The following COL4A5 variants were observed in gnomAD, a reference collection of about 807,000 sequenced individuals.
The protein encoded by COL4A5 is collagen alpha-5(IV) chain.
In COL4A5, 26 loss-of-function variants were observed where a neutral mutation model predicts 130.2. The observed-to-expected ratio is 0.20, with a 90% CI of 0.15 to 0.28. The LOEUF (loss-of-function observed/expected upper bound fraction) is 0.28. COL4A5 is among the 10% of genes least tolerant of loss of function. The probability of loss-of-function intolerance (pLI) is 1.00; values close to 1 mark genes in which losing one functional copy is unlikely to be tolerated. For missense variants in COL4A5, 1,131 were observed against 1,344.3 expected (o/e 0.84, Z 2.48); for synonymous variants, 496 against 439.6 (o/e 1.13, Z -1.60).
At chrX:108,457,814 A>C (rs1313974461) in intron 1 of COL4A5, among the ~76,000 whole-genome samples, 2 of 112,096 alleles carry the variant, frequency 1.8e-5, no homozygotes, top group Non-Finnish European at 3.8e-5. Flanking sequence ...AATGTCTTAT[A>C]GATTGACTCA....
At chrX:108,689,955 AAC>A (rs1420776492) in intron 49 of COL4A5, 7 of 752,372 alleles carry the variant, frequency 9.3e-6, no homozygotes, top group Admixed American at 8.7e-5. Flanking sequence ...CCACAGGTGC[AAC>A]CAGATACTCC....
At chrX:108,494,827 TG>T (rs1402591632) in intron 1 of COL4A5, among the ~76,000 whole-genome samples, 1 of 111,795 alleles carries the variant, frequency 8.9e-6, no homozygotes, top group Non-Finnish European at 1.9e-5. Flanking sequence ...CCCATGATTT[TG>T]TGTCTTTGGG....
intron 1 of COL4A5, among the ~76,000 whole-genome samples, chrX:108,487,858 TA>T (rs1265453261): frequency 8.9e-6 from 1 of 112,400 alleles, no homozygotes; most frequent in Admixed American, 9.4e-5. Flanking sequence ...CCTGATTAGC[TA>T]CTGATTTTGT....
chrX:108,696,426 A>G lies in COL4A5; in HGVS notation c.*48A>G, dbSNP rs959589081. The G allele has an allele frequency of 2.6e-5, 27 of 1,025,214 alleles. No homozygotes were observed. The highest frequency in any genetic ancestry group is 3.7e-5 in the Non-Finnish European group (27 of 738,174). 84.5% of individuals were successfully genotyped at this position (1,025,214 alleles called of 1,213,427 possible). ...GTTTTAAAATGTGATATATATATAT[A>G]TAAAATTCCTAGGATGCAGTGTCTC... On this transcript the variant is annotated 3_prime_UTR_variant, in exon 53 of 53. Coordinates refer to ENST00000328300, the MANE Select transcript of COL4A5 (RefSeq NM_033380.3).
chrX:108,474,543 A>G (rs768750188), intron 1 of COL4A5, among the ~76,000 whole-genome samples: 45 of 112,235 alleles, frequency 4.0e-4, no homozygotes, highest in Non-Finnish European at 9.4e-5. Context: ...TTCTCAGAAC[A>G]TATCCCCATT....
intron 32 of COL4A5, 117 bp downstream of exon 32, chrX:108,622,009 C>A (rs1479257157): frequency 7.2e-6 from 4 of 556,099 alleles, no homozygotes; most frequent in Non-Finnish European, 1.2e-5. Flanking sequence ...ACTTGTGTTT[C>A]TATGTAACAT....
intron 1 of COL4A5, among the ~76,000 whole-genome samples, chrX:108,473,681 G>C (rs2064804777): frequency 2.4e-5 from 2 of 83,983 alleles, no homozygotes; most frequent in South Asian, 1.3e-3. Context: ...GCCCAGGCTG[G>C]AGTGCAGTGG....
chrX:108,625,125 G>GA (rs894768230), intron 34 of COL4A5, among the ~76,000 whole-genome samples: 1 of 112,014 alleles, frequency 8.9e-6, no homozygotes, highest in Non-Finnish European at 1.9e-5. Flanking sequence ...GTGGTCCTAG[G>GA]AAAAAACCCA....
chrX:108,595,927 G>A (rs1398882531), intron 22 of COL4A5, among the ~76,000 whole-genome samples: 1 of 111,710 alleles, frequency 9.0e-6, no homozygotes, highest in Non-Finnish European at 1.9e-5. Context: ...ATAATGCCTA[G>A]CCCCTGAGTG....
At chrX:108,538,073 G>A (rs907185293) in intron 1 of COL4A5, among the ~76,000 whole-genome samples, 1 of 111,614 alleles carries the variant, frequency 9.0e-6, no homozygotes, top group Non-Finnish European at 1.9e-5. Flanking sequence ...GATGTACTTT[G>A]TACTTCTACT....
chrX:108,582,899 C>A lies in COL4A5; in HGVS notation c.952C>A (p.Pro318Thr). Residue 318 changes from proline (P) to threonine (T), a missense_variant, in exon 17 of 53, where the codon CCT becomes ACT. Coordinates refer to ENST00000328300, the MANE Select transcript of COL4A5 (RefSeq NM_033380.3). ...TGTTTTAAAGGGTTTGCCTGGTGAT[C>A]CTGGTTACCCTGGTGAACCCGGAAG... is the stretch of plus-strand genomic sequence containing the variant. The part of the protein sequence containing the change: ...QPGIPGLPGD[P>T]GYPGEPGRDG... The A allele has an allele frequency of 8.3e-7, 1 of 1,205,466 alleles. No individual in the cohort carries two copies. Among genetic ancestry groups the A allele is most frequent in the Non-Finnish European group, 1.1e-6 (1 of 890,444 alleles).
At chrX:108,501,457 A>T (rs1477351113) in intron 1 of COL4A5, among the ~76,000 whole-genome samples, 1 of 112,052 alleles carries the variant, frequency 8.9e-6, no homozygotes, top group Non-Finnish European at 1.9e-5. Context: ...TACTAAATTG[A>T]ATAATGTACC....
chrX:108,652,272 C>G (rs888292463), intron 36 of COL4A5, among the ~76,000 whole-genome samples: 2 of 112,137 alleles, frequency 1.8e-5, no homozygotes, highest in Non-Finnish European at 3.8e-5. Context: ...TCTCTGCATG[C>G]ACTTTTAAAT....
At chrX:108,673,363 T>C (rs1471263958) in intron 42 of COL4A5, among the ~76,000 whole-genome samples, 1 of 112,053 alleles carries the variant, frequency 8.9e-6, no homozygotes, top group African/African-American at 3.2e-5. Context: ...TCTAGCACAA[T>C]TTATTCTCTC....
At chrX:108,651,156 G>A (rs1035484617) in intron 36 of COL4A5, among the ~76,000 whole-genome samples, 5 of 111,162 alleles carry the variant, frequency 4.5e-5, no homozygotes, top group Admixed American at 9.6e-5. Flanking sequence ...AGGCAGATTA[G>A]GTTTTGCTAC....
Position 108,547,878 on chromosome X carries a change from G to A in COL4A5, c.141+8073G>A, listed in dbSNP as rs186188601. Among the ~76,000 whole-genome samples the A allele has an allele frequency of 2.7e-3, 297 of 111,900 alleles. 1 individual carries two copies. Among genetic ancestry groups the A allele is most frequent in the Non-Finnish European group, 2.7e-3 (143 of 53,128 alleles). On this transcript the variant is annotated intron_variant, in intron 2 of 52. Transcript: ENST00000328300. ...TCAGACTGCTGTGCTAGCAATGAGC[G>A]AGGCTCCGTGGGTTTAGGACCCTCC...
intron 42 of COL4A5, chrX:108,670,617 A>C: frequency 3.0e-6 from 1 of 329,790 alleles, no homozygotes; most frequent in South Asian, 2.8e-5. Flanking sequence ...TCTTTTTTTA[A>C]ACAATAATAT....
chrX:108,571,956 G>A (rs2066072515), intron 8 of COL4A5, 119 bp downstream of exon 8: 2 of 588,537 alleles, frequency 3.4e-6, no homozygotes, highest in African/African-American at 4.5e-5. Flanking sequence ...AAGTTGTGCA[G>A]GTGTAAACTT....
chrX:108,690,698 C>T, intron 49 of COL4A5, among the ~76,000 whole-genome samples: 1 of 111,636 alleles, frequency 9.0e-6, no homozygotes, highest in South Asian at 3.8e-4. Flanking sequence ...AAGAGTCATA[C>T]TCTTGCACAT....
Sources: gnomAD v4.1 joint callset for allele counts (sites outside exome capture counted in the v4.1 genomes callset) on GRCh38, gnomAD v4.1.1 for gene constraint, MANE v1.5 for transcripts, NCBI Gene and HGNC (gene_info 2026-07-23, HGNC 2026-07-21) for gene names.